PSTPIP2: variants seen among roughly 807,000 people sequenced by gnomAD.
PSTPIP2 encodes the protein proline-serine-threonine phosphatase-interacting protein 2.
Under a neutral mutation model 63.3 loss-of-function variants are expected in PSTPIP2, and 33 were observed. That is an observed-to-expected ratio of 0.52 (90% CI 0.40 to 0.70). The LOEUF (loss-of-function observed/expected upper bound fraction) is 0.70, where lower values mean the gene tolerates loss of function less well. Ranked by LOEUF, PSTPIP2 falls within the 30% of genes least tolerant of loss-of-function variation. PSTPIP2 has a pLI of 0.00. For synonymous variants in PSTPIP2, 125 were observed against 132.7 expected, an observed-to-expected ratio of 0.94 and a Z score of 0.40; for missense variants, 312 against 400.7, an observed-to-expected ratio of 0.78 and a Z score of 1.89.
chr18:46,041,909 T>A (rs116854514), intron 1 of PSTPIP2, among the ~76,000 whole-genome samples: 19 of 152,280 alleles, frequency 1.2e-4, no homozygotes, highest in Non-Finnish European at 2.5e-4. Context: ...TAGCTCTGTA[T>A]GGGATAAGGG....
chr18:46,059,515 C>T (rs1227696219), intron 1 of PSTPIP2, among the ~76,000 whole-genome samples: 1 of 152,072 alleles, frequency 6.6e-6, no homozygotes, highest in African/African-American at 2.4e-5. Flanking sequence ...TCCCAAAGTG[C>T]TGGGATTACA....
At chr18:46,040,129 G>A (rs1317366047) in intron 1 of PSTPIP2, 82 bp from the exon 2 acceptor site, 1 of 1,178,682 alleles carries the variant, frequency 8.5e-7, no homozygotes, top group Non-Finnish European at 1.2e-6. Context: ...AAAAGAGGTG[G>A]GAAGCTGGCC....
At chr18:46,036,823 C>T (rs557546812) in intron 2 of PSTPIP2, among the ~76,000 whole-genome samples, 1 of 152,278 alleles carries the variant, frequency 6.6e-6, no homozygotes, top group Middle Eastern at 3.4e-3. Context: ...CTCCCTCTTC[C>T]CCTTGCCACT....
intron 1 of PSTPIP2, among the ~76,000 whole-genome samples, chr18:46,043,154 G>A (rs1908251707): frequency 6.6e-6 from 1 of 151,338 alleles, no homozygotes. Context: ...GGGAGGCCGA[G>A]GCGGGAGGAT....
chr18:46,069,180 T>A (rs1380156073), intron 1 of PSTPIP2, among the ~76,000 whole-genome samples: 1 of 152,174 alleles, frequency 6.6e-6, no homozygotes. Flanking sequence ...TGCTTTCATC[T>A]ACCCTTCCAA....
At chr18:45,986,072 G>A (rs1371580975) in intron 14 of PSTPIP2, among the ~76,000 whole-genome samples, 1 of 151,998 alleles carries the variant, frequency 6.6e-6, no homozygotes, top group Non-Finnish European at 1.5e-5. Context: ...CCACCGTACC[G>A]GGACCCTGTT....
intron 1 of PSTPIP2, among the ~76,000 whole-genome samples, chr18:46,060,610 C>G (rs1908952939): frequency 6.6e-6 from 1 of 152,178 alleles, no homozygotes; most frequent in Non-Finnish European, 1.5e-5. Flanking sequence ...GTGGCCTTGC[C>G]CTCTCCATTT....
intron 6 of PSTPIP2, among the ~76,000 whole-genome samples, chr18:46,001,309 T>G (rs887173211): frequency 6.6e-6 from 1 of 152,236 alleles, no homozygotes; most frequent in African/African-American, 2.4e-5. Context: ...AGATGGTATC[T>G]CATTGTGGTT....
chr18:46,062,185 A>G lies in PSTPIP2; in HGVS notation c.33+9971T>C, dbSNP rs534341449. Among the ~76,000 whole-genome samples the G allele has an allele frequency of 3.9e-5, 6 of 152,246 alleles. No homozygotes were observed. In the East Asian group the frequency reaches 1.2e-3, roughly 29 times the overall value. ...CTCCCTACCCTGAACAGCTTATTCA[A>G]GTCTTCCTTCCAGCCTTCCAGCCTT... On this transcript the variant is annotated intron_variant, in intron 1 of 14. Transcript: ENST00000409746.
At chr18:46,028,334 C>G (rs2144100006) in intron 2 of PSTPIP2, 2 of 473,522 alleles carry the variant, frequency 4.2e-6, no homozygotes, top group Non-Finnish European at 8.3e-6. Flanking sequence ...GGAGCGGGGC[C>G]GAGCGAGCCG....
At chr18:46,019,556 G>A (rs1163810651) in intron 3 of PSTPIP2, among the ~76,000 whole-genome samples, 3 of 152,056 alleles carry the variant, frequency 2.0e-5, no homozygotes, top group Non-Finnish European at 2.9e-5. Flanking sequence ...ATCCCAGCAC[G>A]TTGCGAGGCC....
intron 2 of PSTPIP2, among the ~76,000 whole-genome samples, chr18:46,027,165 C>CA (rs1482509560): frequency 2.0e-5 from 3 of 151,824 alleles, no homozygotes; most frequent in Non-Finnish European, 4.4e-5. Context: ...CATGGTGGCG[C>CA]ATGCCTGCAA....
At chr18:46,071,555 G>A (rs556948721) in intron 1 of PSTPIP2, among the ~76,000 whole-genome samples, 16 of 152,268 alleles carry the variant, frequency 1.1e-4, no homozygotes, top group African/African-American at 3.8e-4. Context: ...GCAATGGCCT[G>A]GGGAGGGGGC....
intron 13 of PSTPIP2, 62 bp from the exon 14 acceptor site, chr18:45,988,821 CT>C: frequency 7.4e-7 from 1 of 1,351,998 alleles, no homozygotes; most frequent in African/African-American, 1.5e-5. Flanking sequence ...AGATCTCACC[CT>C]TTTCAAGCCA....
intron 6 of PSTPIP2, among the ~76,000 whole-genome samples, chr18:46,000,056 T>C (rs1489798733): frequency 6.6e-6 from 1 of 152,120 alleles, no homozygotes; most frequent in African/African-American, 2.4e-5. Flanking sequence ...GGAGGGTCGC[T>C]TGTGCCCAGG....
At chr18:46,009,392 CCT>C (rs2051770656) in intron 5 of PSTPIP2, among the ~76,000 whole-genome samples, 1 of 68,112 alleles carries the variant, frequency 1.5e-5, no homozygotes, top group Non-Finnish European at 2.6e-5. Flanking sequence ...AAAAAAAAAA[CCT>C]AGCTAAATAC....
intron 6 of PSTPIP2, 139 bp downstream of exon 6, chr18:46,005,330 G>C: frequency 2.9e-6 from 2 of 692,092 alleles, no homozygotes; most frequent in Non-Finnish European, 4.7e-6. Context: ...AAGCATTTAA[G>C]GTTGTTTTCC....
Position 45,992,127 on chromosome 18 carries a change from T to G in PSTPIP2, c.817A>C (p.Lys273Gln), listed in dbSNP as rs1487399739. ...RDIEYFVNQRKTGQIPPAPIM... is the reference protein window; with the variant it reads ...RDIEYFVNQRQTGQIPPAPIM... ...TCACCTGGTGGAATCTGTCCAGTTT[T>G]GCGTTGATTCACAAAGTATTCAATG... Residue 273 changes from lysine (K) to glutamine (Q), a missense_variant, in exon 11 of 15, where the codon AAA becomes CAA. By Grantham distance (53) the Lys-to-Gln change is moderately conservative. Transcript: ENST00000409746. The G allele has an allele frequency of 6.2e-7, 1 of 1,608,764 alleles. No individual in the cohort carries two copies. Among genetic ancestry groups the G allele is most frequent in the East Asian group, 2.2e-5 (1 of 44,826 alleles).
chr18:46,055,600 T>C (rs1198991102), intron 1 of PSTPIP2, among the ~76,000 whole-genome samples: 4 of 152,208 alleles, frequency 2.6e-5, no homozygotes, highest in Admixed American at 2.6e-4. Flanking sequence ...GTTACAGGCA[T>C]GAGCCACTGT....
Sources: allele counts gnomAD v4.1 joint callset (sites outside exome capture counted in the v4.1 genomes callset), GRCh38; gene constraint gnomAD v4.1.1; transcripts MANE v1.5; gene names NCBI Gene and HGNC (gene_info 2026-07-23, HGNC 2026-07-21).